The following USP34 variants were observed in gnomAD, a reference collection of about 807,000 sequenced individuals.
USP34 encodes the protein ubiquitin carboxyl-terminal hydrolase 34.
USP34 carries 70 observed loss-of-function variants against 460.3 expected under a neutral mutation model. The observed-to-expected ratio is 0.15, with a 90% CI of 0.13 to 0.19. The LOEUF is 0.19. Among genes scored for constraint, USP34 ranks in the 10% least tolerant of loss-of-function variants. USP34 has a pLI of 1.00. For synonymous variants in USP34, 1,647 were observed against 1,405.3 expected, an observed-to-expected ratio of 1.17 and a Z score of -3.85; for missense variants, 3,985 against 4,236.2, an observed-to-expected ratio of 0.94 and a Z score of 1.65.
At chr2:61,413,679 A>T (rs1255488606) in intron 2 of USP34, among the ~76,000 whole-genome samples, 1 of 134,570 alleles carries the variant, frequency 7.4e-6, no homozygotes, top group Non-Finnish European at 1.6e-5. Flanking sequence ...AAAAAATAAA[A>T]AATAAAAAAA....
intron 34 of USP34, among the ~76,000 whole-genome samples, chr2:61,286,931 A>AT (rs2103968949): frequency 6.6e-6 from 1 of 152,350 alleles, no homozygotes; most frequent in East Asian, 1.9e-4. Flanking sequence ...CATTGGAATT[A>AT]TTTAGTGAGT....
chr2:61,467,696 T>G (rs1867838), intron 1 of USP34, among the ~76,000 whole-genome samples: 67,638 of 143,350 alleles, frequency 0.47, 16,148 homozygotes, highest in Middle Eastern at 0.56. Context: ...CTCGGCTCAC[T>G]GCAACCTCCG....
At chr2:61,250,309 A>C (rs1011926894) in intron 48 of USP34, 1 of 186,370 alleles carries the variant, frequency 5.4e-6, no homozygotes. Context: ...CAGATTGGAC[A>C]TGGGATTGGT....
intron 7 of USP34, among the ~76,000 whole-genome samples, chr2:61,378,932 A>AAAAAAC (rs1692884770): frequency 6.6e-6 from 1 of 150,656 alleles, no homozygotes; most frequent in Non-Finnish European, 1.5e-5. Flanking sequence ...AAAAAAAAAA[A>AAAAAAC]AAAAACAACA....
At chr2:61,352,827 A>G (rs1691983196) in intron 10 of USP34, among the ~76,000 whole-genome samples, 1 of 152,166 alleles carries the variant, frequency 6.6e-6, no homozygotes, top group African/African-American at 2.4e-5. Flanking sequence ...ATGAAGAAAC[A>G]AAGATGACGA....
chr2:61,370,795 A>G (rs1271325776), intron 8 of USP34, among the ~76,000 whole-genome samples: 5 of 152,226 alleles, frequency 3.3e-5, no homozygotes, highest in Non-Finnish European at 5.9e-5. Flanking sequence ...CAAGCAACGA[A>G]TAACTGAAAA....
intron 57 of USP34, 43 bp downstream of exon 57, chr2:61,235,802 A>C (rs1258140236): frequency 6.3e-7 from 1 of 1,585,130 alleles, no homozygotes; most frequent in Admixed American, 1.9e-5. Context: ...GGAAAAAAAA[A>C]AGAATCTTAA....
At chr2:61,228,249 G>A (rs1687787739) in intron 61 of USP34, among the ~76,000 whole-genome samples, 1 of 152,178 alleles carries the variant, frequency 6.6e-6, no homozygotes, top group Non-Finnish European at 1.5e-5. Context: ...ACACAAAACT[G>A]ATGTAATACT....
chr2:61,441,782 CAG>C (rs761136979), intron 1 of USP34, among the ~76,000 whole-genome samples: 2 of 108,788 alleles, frequency 1.8e-5, no homozygotes, highest in South Asian at 2.8e-4. Flanking sequence ...GCCTGGGCAA[CAG>C]AGAGAGAGAC....
chr2:61,346,950 C>T (rs913842436), intron 15 of USP34, among the ~76,000 whole-genome samples: 1 of 151,210 alleles, frequency 6.6e-6, no homozygotes, highest in Non-Finnish European at 1.5e-5. Flanking sequence ...TCAGCCTGGT[C>T]AACACGGTGA....
chr2:61,467,107 A>C (rs907271759), intron 1 of USP34, among the ~76,000 whole-genome samples: 13 of 151,988 alleles, frequency 8.6e-5, no homozygotes, highest in Admixed American at 7.2e-4. Flanking sequence ...AGTTCAGACC[A>C]GCCTGGCCAA....
intron 33 of USP34, among the ~76,000 whole-genome samples, chr2:61,290,383 T>G (rs1030451518): frequency 6.6e-6 from 1 of 152,306 alleles, no homozygotes; most frequent in African/African-American, 2.4e-5. Flanking sequence ...ATGACCTGTA[T>G]GTGAATGTTT....
intron 1 of USP34, among the ~76,000 whole-genome samples, chr2:61,453,321 G>A (rs1296902468): frequency 1.3e-5 from 2 of 152,008 alleles, no homozygotes; most frequent in Non-Finnish European, 2.9e-5. Flanking sequence ...GGCTAAGATG[G>A]GAGGACTGCT....
intron 15 of USP34, among the ~76,000 whole-genome samples, chr2:61,347,397 T>C (rs1691804666): frequency 6.6e-6 from 1 of 152,132 alleles, no homozygotes; most frequent in Non-Finnish European, 1.5e-5. Context: ...GTTTTGCTTT[T>C]GAGTCTCACT....
At chr2:61,193,011 A>G (rs1341570304) in intron 75 of USP34, 31 bp from the exon 76 acceptor site, 2 of 1,546,314 alleles carry the variant, frequency 1.3e-6, no homozygotes, top group African/African-American at 1.4e-5. Context: ...AGAATAGGTT[A>G]TAATTATAAA....
At chr2:61,278,877 AAAT>A (rs1470319837) in intron 39 of USP34, among the ~76,000 whole-genome samples, 1 of 152,172 alleles carries the variant, frequency 6.6e-6, no homozygotes, top group Non-Finnish European at 1.5e-5. Flanking sequence ...CGTTTGTTTT[AAAT>A]AATACCTTTA....
At chr2:61,458,053 TACC>T (rs909946175) in intron 1 of USP34, among the ~76,000 whole-genome samples, 1 of 152,192 alleles carries the variant, frequency 6.6e-6, no homozygotes, top group African/African-American at 2.4e-5. Context: ...ACACTGATCC[TACC>T]ACATGCAGGC....
intron 1 of USP34, among the ~76,000 whole-genome samples, chr2:61,453,025 T>G (rs1399760136): frequency 4.6e-5 from 7 of 151,402 alleles, no homozygotes; most frequent in Non-Finnish European, 4.4e-5. Flanking sequence ...ATATCTAATA[T>G]TTTTAAAAAA....
rs570200068 is a variant in USP34, at chr2:61,454,746, A to T, written c.43+15904T>A. ...TTTATTTTTAGTAGACATGGGTTTC[A>T]CCATGTTGACCAGGCTGGTCTCGAA... On this transcript the variant is annotated intron_variant, in intron 1 of 79. Coordinates refer to ENST00000398571, the MANE Select transcript of USP34 (RefSeq NM_014709.4). 6.0e-5 allele frequency among the ~76,000 whole-genome samples: 9 copies of T among 150,032 alleles called. No individual in the cohort carries two copies. The South Asian group carries it at 1.5e-3, about 25-fold the overall frequency.
Sources: allele counts gnomAD v4.1 joint callset (sites outside exome capture counted in the v4.1 genomes callset), GRCh38; gene constraint gnomAD v4.1.1; transcripts MANE v1.5; gene names NCBI Gene and HGNC (gene_info 2026-07-23, HGNC 2026-07-21).